Variants in TP63 observed in about 807,000 individuals in gnomAD.
TP63 encodes the protein tumor protein 63.
A neutral mutation model predicts 82.8 loss-of-function variants in TP63; 17 were observed. That is an observed-to-expected ratio of 0.21 (90% CI 0.14 to 0.31). The LOEUF (loss-of-function observed/expected upper bound fraction) is 0.31, where lower values mean the gene tolerates loss of function less well. TP63 is among the 10% of genes least tolerant of loss of function. The pLI is 1.00. For synonymous variants in TP63, 330 were observed against 321.7 expected, an observed-to-expected ratio of 1.03 and a Z score of -0.28; for missense variants, 648 against 895.3, an observed-to-expected ratio of 0.72 and a Z score of 3.52.
chr3:189,854,181 G>A (rs1716006124), intron 4 of TP63, among the ~76,000 whole-genome samples: 1 of 152,140 alleles, frequency 6.6e-6, no homozygotes, highest in East Asian at 1.9e-4. Flanking sequence ...TGTGGTTTAT[G>A]ATGGCAACTG....
chr3:189,804,147 A>C (rs1213991652), intron 3 of TP63, among the ~76,000 whole-genome samples: 2 of 152,188 alleles, frequency 1.3e-5, no homozygotes, highest in African/African-American at 4.8e-5. Flanking sequence ...ATAGTGTTCT[A>C]ATCTCTGAGA....
At chr3:189,624,112 C>A in the TP63 span, among the ~76,000 whole-genome samples, 1 of 151,994 alleles carries the variant, frequency 6.6e-6, no homozygotes, top group Admixed American at 6.6e-5. Flanking sequence ...TCCTCATATA[C>A]CTACATATGT....
intron 4 of TP63, among the ~76,000 whole-genome samples, chr3:189,825,956 C>T (rs951841388): frequency 3.9e-5 from 6 of 152,166 alleles, no homozygotes; most frequent in Non-Finnish European, 8.8e-5. Context: ...CTCTCTCCCC[C>T]ACTTGCTTCT....
At chr3:189,688,600 G>A (rs1184068128) in intron 1 of TP63, among the ~76,000 whole-genome samples, 3 of 152,150 alleles carry the variant, frequency 2.0e-5, no homozygotes, top group Admixed American at 2.0e-4. Context: ...TGCTAGTAAA[G>A]ATGTGGCTAC....
intron 10 of TP63, 135 bp from the exon 11 acceptor site, chr3:189,886,259 T>G: frequency 9.8e-7 from 1 of 1,020,690 alleles, no homozygotes; most frequent in Admixed American, 2.0e-5. Context: ...AATTAACTTC[T>G]TACCATTAAT....
intron 1 of TP63, among the ~76,000 whole-genome samples, chr3:189,637,933 T>C (rs1287684949): frequency 6.6e-6 from 1 of 152,038 alleles, no homozygotes; most frequent in Non-Finnish European, 1.5e-5. Context: ...AGTGACATGT[T>C]GTAAAAAAAG....
intron 1 of TP63, among the ~76,000 whole-genome samples, chr3:189,670,345 T>C (rs1457782921): frequency 6.6e-6 from 1 of 152,048 alleles, no homozygotes; most frequent in Non-Finnish European, 1.5e-5. Context: ...TAGCACACAA[T>C]ACATGACAAC....
intron 4 of TP63, among the ~76,000 whole-genome samples, chr3:189,839,040 TAAAAAAAAAAAAA>T (rs5855274): frequency 1.2e-4 from 11 of 88,606 alleles, no homozygotes; most frequent in African/African-American, 5.3e-4. Context: ...TATCCTAAGC[TAAAAAAAAAAAAA>T]AAAAAAAAAA....
At chr3:189,597,541 A>G in the TP63 span, among the ~76,000 whole-genome samples, 1 of 152,232 alleles carries the variant, frequency 6.6e-6, no homozygotes. Flanking sequence ...GTAAAAATAG[A>G]ATCAAATGAT....
chr3:189,734,833 C>G (rs1720456103), intron 1 of TP63, among the ~76,000 whole-genome samples: 1 of 152,198 alleles, frequency 6.6e-6, no homozygotes, highest in African/African-American at 2.4e-5. Flanking sequence ...CCTTTTCCAA[C>G]CTGCCTATTC....
chr3:189,759,272 A>G (rs1722398480), intron 3 of TP63, among the ~76,000 whole-genome samples: 1 of 152,194 alleles, frequency 6.6e-6, no homozygotes. Flanking sequence ...GAGAGTGGTG[A>G]TCTTTCTATA....
At chr3:189,888,326 C>T (rs899898743) in intron 11 of TP63, among the ~76,000 whole-genome samples, 3 of 152,120 alleles carry the variant, frequency 2.0e-5, no homozygotes, top group Non-Finnish European at 4.4e-5. Flanking sequence ...GAGTAGAAAC[C>T]ATTTATTTTC....
chr3:189,762,916 C>T (rs1389257085), intron 3 of TP63, among the ~76,000 whole-genome samples: 3 of 152,018 alleles, frequency 2.0e-5, no homozygotes, highest in East Asian at 1.9e-4. Flanking sequence ...ATTGAGGGAT[C>T]GATAGAAAAG....
At chr3:189,881,009 A>G (rs1239945204) in intron 10 of TP63, 3 of 985,418 alleles carry the variant, frequency 3.0e-6, no homozygotes, top group Middle Eastern at 5.2e-4. Context: ...CCACCCCAGT[A>G]ATATTGCCCT....
chr3:189,784,883 C>G (rs1724481549), intron 3 of TP63, among the ~76,000 whole-genome samples: 1 of 152,008 alleles, frequency 6.6e-6, no homozygotes, highest in African/African-American at 2.4e-5. Context: ...GGAAGGTAAA[C>G]ACTTAATTCA....
intron 3 of TP63, among the ~76,000 whole-genome samples, chr3:189,767,774 T>C (rs1476230688): frequency 6.6e-6 from 1 of 152,126 alleles, no homozygotes. Flanking sequence ...GAAAAGAATG[T>C]TCAGACTCAA....
chr3:189,785,317 T>C (rs567970023), intron 3 of TP63, among the ~76,000 whole-genome samples: 1 of 152,200 alleles, frequency 6.6e-6, no homozygotes, highest in East Asian at 1.9e-4. Context: ...ATTATAGAAC[T>C]GTTTAATTGA....
At chr3:189,787,887 T>A (rs1483454674) in intron 3 of TP63, among the ~76,000 whole-genome samples, 1 of 151,914 alleles carries the variant, frequency 6.6e-6, no homozygotes, top group Non-Finnish European at 1.5e-5. Context: ...ATTCAGGAGG[T>A]CTGGGGCCAC....
In TP63 at chr3:189,886,400, A is replaced by G. The variant is rs1720447875; in HGVS notation, c.1356A>G (p.Ser452=). The change falls in exon 11 of 14, where the codon TCA becomes TCG. Residue 452 remains serine (S), a synonymous_variant. Coordinates refer to ENST00000264731, the MANE Select transcript of TP63 (RefSeq NM_003722.5). Reference sequence around the variant, plus strand: ...TCCATGTTTGTCTTCCTAGGACCTCAATACAGTCTCCATCTTCATATGGTA... The same window carrying G: ...TCCATGTTTGTCTTCCTAGGACCTCGATACAGTCTCCATCTTCATATGGTA... ...QHQHLLQKQT[S]IQSPSSYGNS... The G allele has an allele frequency of 6.2e-7, 1 of 1,613,928 alleles. No homozygotes were observed. Among genetic ancestry groups the G allele is most frequent in the Non-Finnish European group, 8.5e-7 (1 of 1,179,990 alleles).
Sources: gnomAD v4.1 joint callset for allele counts (sites outside exome capture counted in the v4.1 genomes callset) on GRCh38, gnomAD v4.1.1 for gene constraint, MANE v1.5 for transcripts, NCBI Gene and HGNC (gene_info 2026-07-23, HGNC 2026-07-21) for gene names.